MGAT5: variants seen among roughly 807,000 people sequenced by gnomAD.
MGAT5 encodes alpha-1,6-mannosylglycoprotein 6-beta-N-acetylglucosaminyltransferase A.
In MGAT5, 30 loss-of-function variants were observed where a neutral mutation model predicts 94.3. That is an observed-to-expected ratio of 0.32 (90% CI 0.24 to 0.43). The LOEUF (loss-of-function observed/expected upper bound fraction) is 0.43. Ranked by LOEUF, MGAT5 falls within the 20% of genes least tolerant of loss-of-function variation. The pLI is 1.00. For missense variants in MGAT5, 691 were observed against 905.5 expected (o/e 0.76, Z 3.04); for synonymous variants, 310 against 322.9 (o/e 0.96, Z 0.43).
intron 10 of MGAT5, among the ~76,000 whole-genome samples, chr2:134,399,512 C>T (rs1045629986): frequency 6.6e-6 from 1 of 152,192 alleles, no homozygotes; most frequent in African/African-American, 2.4e-5. Context: ...ATCAGTTGTT[C>T]TTAATGAGAA....
intron 1 of MGAT5, among the ~76,000 whole-genome samples, chr2:134,160,259 C>T (rs1396812594): frequency 2.0e-5 from 3 of 152,150 alleles, no homozygotes; most frequent in Non-Finnish European, 4.4e-5. Context: ...CTGCAAGCTC[C>T]GCTTCCCAGG....
At chr2:134,199,211 C>T (rs1029762547) in intron 1 of MGAT5, among the ~76,000 whole-genome samples, 1 of 152,164 alleles carries the variant, frequency 6.6e-6, no homozygotes, top group African/African-American at 2.4e-5. Context: ...AACTGTCTTC[C>T]CTTCCTTTCT....
chr2:134,341,435 T>C lies in MGAT5; in HGVS notation c.808-155T>C, dbSNP rs1407352713. On this transcript the variant is annotated intron_variant, in intron 6 of 15. Transcript: ENST00000281923. ...AAAACCACAATGAAAAATGATTTCCTTCCTTTGTACCTTCTAGAAAAACAG... is the reference window on the plus strand; with the variant it reads ...AAAACCACAATGAAAAATGATTTCCCTCCTTTGTACCTTCTAGAAAAACAG... 1.3e-5 allele frequency among the ~76,000 whole-genome samples: 2 copies of C among 152,226 alleles called. 1 individual carries two copies. Among genetic ancestry groups the C allele is most frequent in the Non-Finnish European group, 2.9e-5 (2 of 68,038 alleles).
Position 134,359,246 on chromosome 2 carries a change from T to C in MGAT5, c.1247-3029T>C, listed in dbSNP as rs976915136. ...TCTACCTTAGAACATTATTTTCCTCTGAAGCATGGTTTACCACTGCTGTTC... is the reference window on the plus strand; with the variant it reads ...TCTACCTTAGAACATTATTTTCCTCCGAAGCATGGTTTACCACTGCTGTTC... On this transcript the variant is annotated intron_variant, in intron 9 of 15. Transcript: ENST00000281923. Among the ~76,000 whole-genome samples, 20 of 152,236 alleles carry C rather than the reference T, an allele frequency of 1.3e-4. 1 individual carries two copies.
intron 1 of MGAT5, among the ~76,000 whole-genome samples, chr2:134,199,834 A>G (rs1679687133): frequency 6.6e-6 from 1 of 152,098 alleles, no homozygotes; most frequent in Non-Finnish European, 1.5e-5. Context: ...ATTGTTGCTC[A>G]TGAGTTCTGT....
intron 10 of MGAT5, among the ~76,000 whole-genome samples, chr2:134,374,328 AG>A (rs1321864297): frequency 1.3e-5 from 2 of 152,288 alleles, no homozygotes; most frequent in African/African-American, 4.8e-5. Context: ...GAAAATCATG[AG>A]ATTTACCCTG....
At chr2:134,369,470 A>T (rs1680644405) in intron 10 of MGAT5, among the ~76,000 whole-genome samples, 1 of 152,232 alleles carries the variant, frequency 6.6e-6, no homozygotes, top group Non-Finnish European at 1.5e-5. Flanking sequence ...CTCCAGCCTC[A>T]GTTTCCTCAC....
intron 11 of MGAT5, among the ~76,000 whole-genome samples, chr2:134,406,146 T>C (rs1394465514): frequency 6.6e-6 from 1 of 152,216 alleles, no homozygotes; most frequent in African/African-American, 2.4e-5. Context: ...TCTTTCTTCA[T>C]CTTCCTGGAT....
chr2:134,132,755 G>T (rs1686233210), intron 1 of MGAT5, among the ~76,000 whole-genome samples: 1 of 152,130 alleles, frequency 6.6e-6, no homozygotes, highest in Admixed American at 6.5e-5. Context: ...CCTTCTGTTT[G>T]GAAGACCCTG....
At chr2:134,304,919 G>C (rs1686239090) in intron 2 of MGAT5, among the ~76,000 whole-genome samples, 1 of 152,138 alleles carries the variant, frequency 6.6e-6, no homozygotes, top group Non-Finnish European at 1.5e-5. Context: ...ACATTACCTA[G>C]CAGGCTTGGC....
At chr2:134,200,094 T>C (rs1483280635) in intron 1 of MGAT5, among the ~76,000 whole-genome samples, 4 of 152,210 alleles carry the variant, frequency 2.6e-5, no homozygotes, top group African/African-American at 9.7e-5. Context: ...AAGTCTTTTA[T>C]TTGGCAATGA....
chr2:134,174,734 T>G (rs1324623769), intron 1 of MGAT5, among the ~76,000 whole-genome samples: 2 of 152,240 alleles, frequency 1.3e-5, no homozygotes, highest in Non-Finnish European at 2.9e-5. Context: ...CCCAGGATGT[T>G]GGTCAGTCAT....
At chr2:134,199,263 G>A (rs961235841) in intron 1 of MGAT5, among the ~76,000 whole-genome samples, 12 of 151,892 alleles carry the variant, frequency 7.9e-5, no homozygotes, top group Admixed American at 6.6e-4. Context: ...TGATAAGAGG[G>A]CAGTGTGTTT....
At chr2:134,224,443 C>T (rs1361678395) in intron 1 of MGAT5, among the ~76,000 whole-genome samples, 1 of 152,050 alleles carries the variant, frequency 6.6e-6, no homozygotes, top group Non-Finnish European at 1.5e-5. Flanking sequence ...CTTTAGTATC[C>T]GTGAATTTTG....
At position 134,192,486 on chromosome 2, in the gene MGAT5, T is replaced by C. The variant is rs539650117; in HGVS notation, c.-142-61776T>C. Among the ~76,000 whole-genome samples, 7 of 152,272 alleles carry C rather than the reference T, an allele frequency of 4.6e-5. No individual in the cohort carries two copies. The South Asian group carries it at 1.2e-3, about 27-fold the overall frequency. On this transcript the variant is annotated intron_variant, in intron 1 of 16. Transcript: ENST00000409645. ...TTATATCTTGCTAGCTATATCTTGC[T>C]AGTTTTGGGGATGTAAATCAGTACA...
At chr2:134,266,896 C>T (rs1212876527) in intron 1 of MGAT5, among the ~76,000 whole-genome samples, 1 of 152,116 alleles carries the variant, frequency 6.6e-6, no homozygotes, top group Non-Finnish European at 1.5e-5. Flanking sequence ...TTAGAGAATT[C>T]AAGGTTTTTA....
intron 1 of MGAT5, among the ~76,000 whole-genome samples, chr2:134,238,276 A>G (rs148472681): frequency 6.6e-6 from 1 of 152,328 alleles, no homozygotes; most frequent in Non-Finnish European, 1.5e-5. Flanking sequence ...TGGTTAGTAC[A>G]TACTTCACAG....
At chr2:134,367,269 C>T (rs1426005947) in intron 10 of MGAT5, among the ~76,000 whole-genome samples, 1 of 152,168 alleles carries the variant, frequency 6.6e-6, no homozygotes, top group African/African-American at 2.4e-5. Flanking sequence ...GGAAATGCTG[C>T]AGTGGGAATT....
intron 2 of MGAT5, among the ~76,000 whole-genome samples, chr2:134,274,569 A>G (rs761961076): frequency 2.0e-5 from 3 of 152,036 alleles, no homozygotes; most frequent in Non-Finnish European, 4.4e-5. Flanking sequence ...TCTACGGGGT[A>G]GTGTATGTAT....
Sources: allele counts gnomAD v4.1 joint callset (sites outside exome capture counted in the v4.1 genomes callset), GRCh38; gene constraint gnomAD v4.1.1; transcripts MANE v1.5; gene names NCBI Gene and HGNC (gene_info 2026-07-23, HGNC 2026-07-21).